OS9: variants seen among roughly 807,000 people sequenced by gnomAD.
OS9 encodes the protein OS9 endoplasmic reticulum lectin.
In OS9, 58 loss-of-function variants were observed where a neutral mutation model predicts 84.7. The ratio of observed to expected loss-of-function variants is 0.68; its 90% CI spans 0.55 to 0.85. The LOEUF (loss-of-function observed/expected upper bound fraction) is 0.85. Among genes scored for constraint, OS9 ranks in the 40% least tolerant of loss-of-function variants. The pLI is 0.00. For missense variants in OS9, 760 were observed against 850.9 expected (o/e 0.89, Z 1.33); for synonymous variants, 278 against 320.8 (o/e 0.87, Z 1.43).
intron 5 of OS9, among the ~76,000 whole-genome samples, chr12:57,704,803 A>G (rs1954121245): frequency 6.6e-6 from 1 of 152,146 alleles, no homozygotes; most frequent in African/African-American, 2.4e-5. Context: ...TATACCTTAT[A>G]CATCTTATGT....
chr12:57,719,193 T>G lies in OS9; in HGVS notation c.1600+11T>G. ...CACCCCAACCTACAGGTGAGAGCAGTCAGACAAGAAAGAGTAGCCCAGTCT... is the reference window on the plus strand; with the variant it reads ...CACCCCAACCTACAGGTGAGAGCAGGCAGACAAGAAAGAGTAGCCCAGTCT... On this transcript the variant is annotated intron_variant, in intron 12 of 14. Coordinates refer to ENST00000315970, the MANE Select transcript of OS9 (RefSeq NM_006812.4). 1 of 1,611,642 alleles carries G rather than the reference T, an allele frequency of 6.2e-7. No individual in the cohort carries two copies. The highest frequency in any genetic ancestry group is 8.5e-7 in the Non-Finnish European group (1 of 1,178,580).
At chr12:57,699,905 G>A (rs1189011245) in intron 5 of OS9, among the ~76,000 whole-genome samples, 1 of 152,176 alleles carries the variant, frequency 6.6e-6, no homozygotes, top group Non-Finnish European at 1.5e-5. Flanking sequence ...AGAACAGCCT[G>A]GCCAATATGG....
At chr12:57,694,593 G>A in intron 1 of OS9, 157 bp from the exon 2 acceptor site, 1 of 772,408 alleles carries the variant, frequency 1.3e-6, no homozygotes, top group South Asian at 1.7e-5. Context: ...AAATGGGAGC[G>A]CCCTCTCCTC....
chr12:57,715,807 CGT>C lies in OS9; in HGVS notation c.629_630del (p.Val210GlyfsTer43). On this transcript the variant is annotated frameshift_variant, in exon 6 of 15. Transcript: ENST00000315970. LOFTEE classifies it high-confidence loss of function. ...AGISGDYIDR[V>X]DEPLSCSYVL... ...GTATCTCTGGGGACTACATCGATCGCGTGGACGAGCCCTTGTCCTGCTCTTAT... is the reference window on the plus strand; with the variant it reads ...GTATCTCTGGGGACTACATCGATCGCGGACGAGCCCTTGTCCTGCTCTTAT... 6.2e-7 allele frequency: 1 copy of C among 1,613,822 alleles called. No individual in the cohort carries two copies. The highest frequency in any genetic ancestry group is 8.5e-7 in the Non-Finnish European group (1 of 1,179,842).
chr12:57,720,267 G>A lies in OS9; in HGVS notation c.1765+4G>A, dbSNP rs1486152506. On this transcript the variant is annotated splice_donor_region_variant and intron_variant, in intron 13 of 14. Coordinates refer to ENST00000315970, the MANE Select transcript of OS9 (RefSeq NM_006812.4). The stretch of plus-strand genomic sequence containing the variant: ...AGGGAGGGACTCACAGCTGCAGGTG[G>A]GCCCTGGAGGGCGGCTGGACCCAGT... 2 of 1,613,732 alleles carry A rather than the reference G, an allele frequency of 1.2e-6. No individual in the cohort carries two copies. Among genetic ancestry groups the A allele is most frequent in the Non-Finnish European group, 1.7e-6 (2 of 1,179,888 alleles).
intron 5 of OS9, among the ~76,000 whole-genome samples, chr12:57,705,902 T>C (rs557902037): frequency 6.6e-6 from 1 of 152,332 alleles, no homozygotes; most frequent in South Asian, 2.1e-4. Context: ...TCAGCAACTC[T>C]TTTTTGAACT....
intron 5 of OS9, among the ~76,000 whole-genome samples, chr12:57,710,592 T>A (rs1405079139): frequency 6.6e-6 from 1 of 152,232 alleles, no homozygotes; most frequent in Non-Finnish European, 1.5e-5. Flanking sequence ...ATTTTCAGCT[T>A]TTCCTCTTTT....
chr12:57,718,414 T>A lies in OS9; in HGVS notation c.1403T>A (p.Ile468Asn). 3 of 1,612,882 alleles carry A rather than the reference T, an allele frequency of 1.9e-6. No individual in the cohort carries two copies. Among genetic ancestry groups the A allele is most frequent in the Non-Finnish European group, 2.5e-6 (3 of 1,179,408 alleles). ...AGMERELENI[I>N]QETEKELDPD... Reference sequence around the variant, plus strand: ...ATGGAGCGGGAACTGGAAAACATCATCCAGGAGGCAAGCCCAGCTCTTCCT... The same window carrying A: ...ATGGAGCGGGAACTGGAAAACATCAACCAGGAGGCAAGCCCAGCTCTTCCT... The change falls in exon 11 of 15, where the codon ATC becomes AAC. Residue 468 changes from isoleucine to asparagine, a missense_variant. Physicochemically the swap from Ile to Asn is moderately radical, Grantham distance 149 (BLOSUM62 -3). Coordinates refer to ENST00000315970, the MANE Select transcript of OS9 (RefSeq NM_006812.4).
At chr12:57,713,092 T>C (rs1954378986) in intron 5 of OS9, among the ~76,000 whole-genome samples, 1 of 152,202 alleles carries the variant, frequency 6.6e-6, no homozygotes, top group Middle Eastern at 3.2e-3. Flanking sequence ...TCAGTTGCCC[T>C]TTCCCTGGTT....
rs749881810 is a variant in OS9 at position 57,718,259 on chromosome 12, GGAGGATGAGGAT to G, written c.1263_1274del (p.Asp426_Glu429del). 81 of 1,614,024 alleles carry G rather than the reference GGAGGATGAGGAT, an allele frequency of 5.0e-5. No homozygotes were observed. Among genetic ancestry groups the G allele is most frequent in the Non-Finnish European group, 6.3e-5 (74 of 1,180,018 alleles). ...AACGGCAGAGAGAGATGGAAGAAGA[GGAGGATGAGGAT>G]GAGGATGAGGATGAAGATGAGGATG... On this transcript the variant is annotated inframe_deletion, in exon 11 of 15. Transcript: ENST00000315970.
At chr12:57,696,429 G>A in intron 5 of OS9, 56 bp downstream of exon 5, 1 of 564,146 alleles carries the variant, frequency 1.8e-6, no homozygotes, top group Middle Eastern at 4.3e-4. Context: ...AGATTCTAAG[G>A]GAAGAGGGTT....
intron 9 of OS9, among the ~76,000 whole-genome samples, 167 bp from the exon 10 acceptor site, chr12:57,717,703 G>A (rs1212810820): frequency 7.1e-6 from 1 of 140,054 alleles, no homozygotes; most frequent in African/African-American, 2.7e-5. Flanking sequence ...TGAGGCAGGA[G>A]AATCTCTTGA....
In OS9 at chr12:57,707,638, A is replaced by G. The variant is rs572225597; in HGVS notation, c.580-8122A>G. ...GGTCTCGAACTCCTGACCTCAGGTG[A>G]TCCACCTGCCTTGGCTTCCTAAAGT... On this transcript the variant is annotated intron_variant, in intron 5 of 14. Transcript: ENST00000315970. Among the ~76,000 whole-genome samples the G allele has an allele frequency of 4.6e-5, 7 of 152,236 alleles. No individual in the cohort carries two copies. The East Asian group carries it at 1.4e-3, about 29-fold the overall frequency.
chr12:57,697,908 A>C (rs373378014), intron 5 of OS9, among the ~76,000 whole-genome samples: 32,870 of 73,566 alleles, frequency 0.45, 5,309 homozygotes, highest in Non-Finnish European at 0.51. Context: ...AACATAAGCA[A>C]ACACACACAC....
intron 5 of OS9, among the ~76,000 whole-genome samples, chr12:57,708,139 A>G (rs896192773): frequency 6.6e-6 from 1 of 152,114 alleles, no homozygotes; most frequent in Non-Finnish European, 1.5e-5. Context: ...GAATAGGCAT[A>G]ATCACATTCA....
chr12:57,700,450 G>C (rs1953987836), intron 5 of OS9, among the ~76,000 whole-genome samples: 3 of 151,956 alleles, frequency 2.0e-5, no homozygotes, highest in Admixed American at 2.0e-4. Context: ...TTTGGTGGCA[G>C]AAAGTTGAGG....
chr12:57,709,123 T>C (rs936565855), intron 5 of OS9, among the ~76,000 whole-genome samples: 2 of 152,234 alleles, frequency 1.3e-5, no homozygotes, highest in African/African-American at 4.8e-5. Context: ...CTTTCAGCTG[T>C]CCAAATTCTT....
Position 57,717,968 on chromosome 12 carries a change from G to T in OS9, c.1134+10G>T, listed in dbSNP as rs768544515. The T allele has an allele frequency of 2.5e-6, 4 of 1,600,834 alleles. No individual in the cohort carries two copies. Among genetic ancestry groups the T allele is most frequent in the Middle Eastern group, 1.7e-4 (1 of 5,998 alleles). ...AGGTGGAACAAAAAAGGTATAGGCCGTGCTTAGGGAATGGGTAGAACCCAC... is the reference window on the plus strand; with the variant it reads ...AGGTGGAACAAAAAAGGTATAGGCCTTGCTTAGGGAATGGGTAGAACCCAC... On this transcript the variant is annotated intron_variant, in intron 10 of 14. Coordinates refer to ENST00000315970, the MANE Select transcript of OS9 (RefSeq NM_006812.4).
intron 5 of OS9, 32 bp downstream of exon 5, chr12:57,696,405 C>G (rs1400336007): frequency 8.0e-7 from 1 of 1,253,554 alleles, no homozygotes; most frequent in Admixed American, 2.0e-5. Context: ...TTGACACTCC[C>G]ACAGGGACAG....
Sources: allele counts gnomAD v4.1 joint callset (sites outside exome capture counted in the v4.1 genomes callset), GRCh38; gene constraint gnomAD v4.1.1; transcripts MANE v1.5; gene names NCBI Gene and HGNC (gene_info 2026-07-23, HGNC 2026-07-21).